RBBP4: variants seen among roughly 807,000 people sequenced by gnomAD.
RBBP4 encodes the protein histone-binding protein RBBP4.
RBBP4 carries 3 observed loss-of-function variants against 57.2 expected under a neutral mutation model. The observed-to-expected ratio is 0.05, with a 90% CI of 0.02 to 0.14. The LOEUF (loss-of-function observed/expected upper bound fraction) is 0.14. Ranked by LOEUF, RBBP4 falls within the 10% of genes least tolerant of loss-of-function variation. RBBP4 has a pLI of 1.00. For synonymous variants in RBBP4, 151 were observed against 171.5 expected (o/e 0.88, Z 0.93); for missense variants, 107 against 520.6 (o/e 0.21, Z 7.73).
At chr1:32,654,896 T>C (rs771344612) in intron 2 of RBBP4, among the ~76,000 whole-genome samples, 1 of 152,108 alleles carries the variant, frequency 6.6e-6, no homozygotes, top group Admixed American at 6.6e-5. Context: ...GGTTTCACCA[T>C]GTTGTCCAGG....
At chr1:32,661,555 A>T (rs146572862) in intron 3 of RBBP4, among the ~76,000 whole-genome samples, 1 of 151,772 alleles carries the variant, frequency 6.6e-6, no homozygotes, top group Non-Finnish European at 1.5e-5. Flanking sequence ...CAGCCTCCCA[A>T]AGTGCTGGGA....
At chr1:32,653,294 A>G (rs1321391807) in intron 2 of RBBP4, among the ~76,000 whole-genome samples, 3 of 152,202 alleles carry the variant, frequency 2.0e-5, no homozygotes, top group African/African-American at 7.2e-5. Flanking sequence ...TGATATTAAC[A>G]TAGTTTTAAC....
intron 3 of RBBP4, among the ~76,000 whole-genome samples, chr1:32,665,819 C>G (rs953525132): frequency 6.6e-6 from 1 of 152,080 alleles, no homozygotes; most frequent in Non-Finnish European, 1.5e-5. Context: ...CCTGAATCAC[C>G]AAACTAAGTA....
In RBBP4 at chr1:32,680,270, A is replaced by G; in HGVS notation, c.*565A>G. 4.1e-6 allele frequency: 5 copies of G among 1,220,280 alleles called. No homozygotes were observed. The highest frequency in any genetic ancestry group is 5.1e-6 in the Non-Finnish European group (5 of 980,116). 75.6% of individuals were successfully genotyped at this position (1,220,280 alleles called of 1,614,324 possible). On this transcript the variant is annotated 3_prime_UTR_variant, in exon 12 of 12. Coordinates refer to ENST00000373493, the MANE Select transcript of RBBP4 (RefSeq NM_005610.3). The stretch of plus-strand genomic sequence containing the variant: ...CGTTCCTCTTTCCCCATATATTCAT[A>G]TATTTTTGCTCGTTAGTGTATTTCT...
chr1:32,671,294 C>A (rs1648864700), intron 8 of RBBP4, among the ~76,000 whole-genome samples: 1 of 152,096 alleles, frequency 6.6e-6, no homozygotes, highest in Non-Finnish European at 1.5e-5. Flanking sequence ...TAAGAATAGA[C>A]AAGATGTAGG....
At chr1:32,660,984 T>G (rs1648379712) in intron 3 of RBBP4, among the ~76,000 whole-genome samples, 1 of 151,940 alleles carries the variant, frequency 6.6e-6, no homozygotes, top group Admixed American at 6.6e-5. Flanking sequence ...TGATTTCCAT[T>G]GTATTTTTTG....
intron 11 of RBBP4, among the ~76,000 whole-genome samples, chr1:32,677,112 GCA>G (rs1388519375): frequency 6.6e-6 from 1 of 152,140 alleles, no homozygotes; most frequent in African/African-American, 2.4e-5. Flanking sequence ...CTCGGAGTTT[GCA>G]GAGTGCTAGG....
chr1:32,673,808 G>C (rs1557859851), intron 11 of RBBP4, among the ~76,000 whole-genome samples: 1 of 152,076 alleles, frequency 6.6e-6, no homozygotes, highest in Non-Finnish European at 1.5e-5. Context: ...TTTTAAAATA[G>C]TTATATTCGG....
chr1:32,680,357 G>GTTTTTTTTTTTTTTTT lies in RBBP4; in HGVS notation c.*656_*671dup, dbSNP rs372285843. 1 of 771,604 alleles carries GTTTTTTTTTTTTTTTT rather than the reference G, an allele frequency of 1.3e-6. No homozygotes were observed. Among genetic ancestry groups the GTTTTTTTTTTTTTTTT allele is most frequent in the Non-Finnish European group, 1.6e-6 (1 of 622,250 alleles). 47.8% of individuals were successfully genotyped at this position (771,604 alleles called of 1,614,324 possible). ...AATGGTGTTTTTTTTTTTGTTGTTG[G>GTTTTTTTTTTTTTTTT]TTTTTTTTTTTTTTTTTTTAACTTG... On this transcript the variant is annotated 3_prime_UTR_variant, in exon 12 of 12. Transcript: ENST00000373493.
In RBBP4 at chr1:32,680,685, A is replaced by G; in HGVS notation, c.*980A>G. Reference sequence around the variant, plus strand: ...GCTGATGGGTTTTATTTAGTATAAAACATCCATCAAACACCAGTCTCTGGC... The same window carrying G: ...GCTGATGGGTTTTATTTAGTATAAAGCATCCATCAAACACCAGTCTCTGGC... On this transcript the variant is annotated 3_prime_UTR_variant, in exon 12 of 12. Coordinates refer to ENST00000373493, the MANE Select transcript of RBBP4 (RefSeq NM_005610.3). 1.3e-6 allele frequency: 1 copy of G among 748,552 alleles called. No homozygotes were observed. The highest frequency in any genetic ancestry group is 2.1e-6 in the Non-Finnish European group (1 of 472,438). 46.4% of individuals were successfully genotyped at this position (748,552 alleles called of 1,614,324 possible). A position where few individuals can be genotyped will look rare whatever the true frequency, so the allele number is the denominator to read the frequency against.
chr1:32,651,518 G>T (rs996740113), intron 1 of RBBP4, 196 bp downstream of exon 1: 11 of 1,333,210 alleles, frequency 8.3e-6, no homozygotes, highest in African/African-American at 3.0e-5. Context: ...CGCAGCTGGC[G>T]AAGCCAGCGG....
At chr1:32,662,306 TG>T in intron 3 of RBBP4, 1 of 236,236 alleles carries the variant, frequency 4.2e-6, no homozygotes, top group Non-Finnish European at 9.3e-6. Context: ...GTGATTCTCC[TG>T]CCTCAGCCTC....
intron 11 of RBBP4, among the ~76,000 whole-genome samples, chr1:32,677,125 A>C (rs1327344466): frequency 6.6e-6 from 1 of 152,098 alleles, no homozygotes. Flanking sequence ...GAGTGCTAGG[A>C]GTGTCTTTGT....
Position 32,681,951 on chromosome 1 carries a change from T to C in RBBP4, c.*2246T>C. 8.4e-7 allele frequency: 1 copy of C among 1,188,462 alleles called. No homozygotes were observed. The highest frequency in any genetic ancestry group is 1.2e-6 in the Non-Finnish European group (1 of 802,790). 73.6% of individuals were successfully genotyped at this position (1,188,462 alleles called of 1,614,324 possible). ...TGAGAAGAGATTGTTACAGTGTGAT[T>C]TATGGATGATCAGGGATGACTTTCC... On this transcript the variant is annotated 3_prime_UTR_variant, in exon 12 of 12. Coordinates refer to ENST00000373493, the MANE Select transcript of RBBP4 (RefSeq NM_005610.3).
In RBBP4 at chr1:32,681,185, T is replaced by A. The variant is rs2148538250; in HGVS notation, c.*1480T>A. On this transcript the variant is annotated 3_prime_UTR_variant, in exon 12 of 12. Coordinates refer to ENST00000373493, the MANE Select transcript of RBBP4 (RefSeq NM_005610.3). ...TAGATCATTCTGACCCAGAACTACTTTCATGAGGTAAGATCTTTGGGAAAA... is the reference window on the plus strand; with the variant it reads ...TAGATCATTCTGACCCAGAACTACTATCATGAGGTAAGATCTTTGGGAAAA... 6.6e-6 allele frequency: 1 copy of A among 152,572 alleles called. No individual in the cohort carries two copies. Among genetic ancestry groups the A allele is most frequent in the Middle Eastern group, 3.4e-3 (1 of 294 alleles). 9.5% of individuals were successfully genotyped at this position (152,572 alleles called of 1,614,324 possible).
In RBBP4 at chr1:32,664,930, A is replaced by C. The variant is rs1038713769; in HGVS notation, c.311-3295A>C. ...CTAAACGTGCAATAGCATTATGTCTAAAAAACAATGTACATACCTTAATTT... is the reference window on the plus strand; with the variant it reads ...CTAAACGTGCAATAGCATTATGTCTCAAAAACAATGTACATACCTTAATTT... On this transcript the variant is annotated intron_variant, in intron 3 of 11. Transcript: ENST00000373493. 4.6e-5 allele frequency among the ~76,000 whole-genome samples: 7 copies of C among 152,196 alleles called. No individual in the cohort carries two copies. The East Asian group carries it at 1.3e-3, about 29-fold the overall frequency.
intron 2 of RBBP4, chr1:32,652,436 G>A (rs1647830974): frequency 5.4e-6 from 1 of 186,596 alleles, no homozygotes; most frequent in African/African-American, 2.4e-5. Flanking sequence ...AGACTTACTT[G>A]AGGCCAGGAG....
At chr1:32,657,820 G>A (rs1648207783) in intron 3 of RBBP4, 1 of 386,876 alleles carries the variant, frequency 2.6e-6, no homozygotes, top group Non-Finnish European at 4.6e-6. Context: ...TTCTGCAATT[G>A]AAAGAAGCAA....
intron 2 of RBBP4, chr1:32,652,493 C>G (rs1279828797): frequency 6.2e-6 from 1 of 160,706 alleles, no homozygotes; most frequent in Non-Finnish European, 1.4e-5. Context: ...GCCCCCCACA[C>G]AAAAAAAGAA....
Sources: gnomAD v4.1 joint callset for allele counts (sites outside exome capture counted in the v4.1 genomes callset) on GRCh38, gnomAD v4.1.1 for gene constraint, MANE v1.5 for transcripts, NCBI Gene and HGNC (gene_info 2026-07-23, HGNC 2026-07-21) for gene names.